The following SLC8A1 variants were observed in gnomAD, a reference collection of about 807,000 sequenced individuals.
The protein encoded by SLC8A1 is solute carrier family 8 member A1.
SLC8A1 carries 18 observed loss-of-function variants against 68.3 expected under a neutral mutation model. The ratio of observed to expected loss-of-function variants is 0.26; its 90% CI spans 0.18 to 0.39. SLC8A1 has a LOEUF of 0.39. Among genes scored for constraint, SLC8A1 ranks in the 10% least tolerant of loss-of-function variants. The pLI is 1.00. For synonymous variants in SLC8A1, 475 were observed against 415.5 expected (o/e 1.14, Z -1.74); for missense variants, 985 against 1,156.7 (o/e 0.85, Z 2.15).
intron 2 of SLC8A1, among the ~76,000 whole-genome samples, chr2:40,243,772 A>G (rs1358115097): frequency 6.6e-6 from 1 of 152,214 alleles, no homozygotes; most frequent in African/African-American, 2.4e-5. Context: ...ACTCTGCTGC[A>G]CATTTATAGT....
At chr2:40,352,458 G>T (rs1366733219) in intron 2 of SLC8A1, among the ~76,000 whole-genome samples, 2 of 152,110 alleles carry the variant, frequency 1.3e-5, no homozygotes, top group Non-Finnish European at 2.9e-5. Flanking sequence ...GGCTTGTTGA[G>T]TTCTCTTTCT....
intron 2 of SLC8A1, among the ~76,000 whole-genome samples, chr2:40,274,685 T>C (rs1416978340): frequency 6.6e-6 from 1 of 152,228 alleles, no homozygotes; most frequent in Non-Finnish European, 1.5e-5. Flanking sequence ...TAACTGCTGA[T>C]AGTAAATCAA....
At position 40,413,056 on chromosome 2, in the gene SLC8A1, C is replaced by T. The variant is rs146869800; in HGVS notation, c.1808+15417G>A. On this transcript the variant is annotated intron_variant, in intron 2 of 7. Transcript: ENST00000406785. ...ACCTAATGCTACCCCTCCTCCCTCT[C>T]ACCTCACACCAGTTAGAATGGCGAT... Among the ~76,000 whole-genome samples the T allele has an allele frequency of 3.5e-3, 533 of 152,288 alleles. 4 individuals carry two copies. The highest frequency in any genetic ancestry group is 0.031 in the Middle Eastern group (9 of 294).
chr2:40,202,920 C>G (rs1019083236), intron 2 of SLC8A1, among the ~76,000 whole-genome samples: 7 of 151,936 alleles, frequency 4.6e-5, no homozygotes, highest in Non-Finnish European at 1.0e-4. Context: ...TAGAATGGCA[C>G]CTACATAACC....
At position 40,194,257 on chromosome 2, in the gene SLC8A1, T is replaced by C. The variant is rs1055820987; in HGVS notation, c.1809-16402A>G. On this transcript the variant is annotated intron_variant, in intron 2 of 7. Transcript: ENST00000406785. Reference sequence around the variant, plus strand: ...ATATATGTTAAGTTTTTAAAGGAAATTATCAAAAACTAAGGTCTCAGGTTA... The same window carrying C: ...ATATATGTTAAGTTTTTAAAGGAAACTATCAAAAACTAAGGTCTCAGGTTA... Among the ~76,000 whole-genome samples, 7 of 152,108 alleles carry C rather than the reference T, an allele frequency of 4.6e-5. No homozygotes were observed. In the South Asian group the frequency reaches 1.4e-3, roughly 32 times the overall value.
chr2:40,232,754 C>A (rs1558869910), intron 2 of SLC8A1, among the ~76,000 whole-genome samples: 1 of 77,624 alleles, frequency 1.3e-5, no homozygotes. Context: ...TCCCCCCCCG[C>A]CACCCCACAA....
chr2:40,224,325 G>T (rs2058708565), intron 2 of SLC8A1, among the ~76,000 whole-genome samples: 1 of 152,108 alleles, frequency 6.6e-6, no homozygotes, highest in Non-Finnish European at 1.5e-5. Context: ...AGTGTACTTT[G>T]TCTCTCATAA....
At chr2:40,474,190 A>G (rs1220566719) in intron 1 of SLC8A1, among the ~76,000 whole-genome samples, 2 of 152,184 alleles carry the variant, frequency 1.3e-5, no homozygotes, top group Admixed American at 6.5e-5. Context: ...GATTTTAAAT[A>G]TATGGCATCC....
chr2:40,447,991 C>A (rs374483988), intron 1 of SLC8A1, among the ~76,000 whole-genome samples: 8 of 152,152 alleles, frequency 5.3e-5, no homozygotes, highest in South Asian at 2.1e-4. Flanking sequence ...CTTGGCTGGG[C>A]AGATCAAAGG....
At chr2:40,207,132 T>C (rs1036075472) in intron 2 of SLC8A1, among the ~76,000 whole-genome samples, 7 of 152,098 alleles carry the variant, frequency 4.6e-5, no homozygotes, top group Non-Finnish European at 1.0e-4. Flanking sequence ...TGGTTACTTA[T>C]GGGCATTTTT....
intron 2 of SLC8A1, among the ~76,000 whole-genome samples, chr2:40,261,955 G>C (rs1053460902): frequency 6.7e-6 from 1 of 148,990 alleles, no homozygotes; most frequent in Non-Finnish European, 1.5e-5. Context: ...GACATGAAAT[G>C]TGTCTTTTCA....
chr2:40,110,381 C>A (rs1441898596), exon 8 of SLC8A1: 1 of 152,082 alleles, frequency 6.6e-6, no homozygotes, highest in African/African-American at 2.4e-5. Context: ...GTGGTGAGTA[C>A]ATAATGGTAA....
chr2:40,210,516 G>A (rs1309812680), intron 2 of SLC8A1, among the ~76,000 whole-genome samples: 1 of 152,210 alleles, frequency 6.6e-6, no homozygotes, highest in African/African-American at 2.4e-5. Flanking sequence ...GGATAATTAA[G>A]AAAGTGTTAG....
chr2:40,188,073 G>T (rs2051025021), intron 2 of SLC8A1, among the ~76,000 whole-genome samples: 1 of 152,140 alleles, frequency 6.6e-6, no homozygotes, highest in Admixed American at 6.5e-5. Context: ...AGGGTACCAT[G>T]TTGAAATATG....
intron 2 of SLC8A1, among the ~76,000 whole-genome samples, chr2:40,361,875 A>ATCTTT (rs1674722819): frequency 2.2e-5 from 2 of 89,388 alleles, no homozygotes; most frequent in South Asian, 7.2e-4. Flanking sequence ...AGATGTTTAT[A>ATCTTT]TCTTTTCTTT....
intron 2 of SLC8A1, among the ~76,000 whole-genome samples, chr2:40,264,176 C>G (rs1365304315): frequency 6.6e-6 from 1 of 150,586 alleles, no homozygotes; most frequent in African/African-American, 2.4e-5. Flanking sequence ...GTTAGAATGG[C>G]AATCATTAAA....
intron 2 of SLC8A1, among the ~76,000 whole-genome samples, chr2:40,364,748 C>T (rs1358830338): frequency 1.3e-5 from 2 of 151,994 alleles, no homozygotes; most frequent in Non-Finnish European, 2.9e-5. Context: ...AGAAGCCTGC[C>T]CTCCTGGAAA....
At chr2:40,113,942 T>G (rs1352891845) in exon 8 of SLC8A1, 1 of 152,780 alleles carries the variant, frequency 6.5e-6, no homozygotes. Context: ...CAGTTATTGC[T>G]TCTTAGAAAT....
intron 2 of SLC8A1, among the ~76,000 whole-genome samples, chr2:40,296,092 T>C (rs1471445737): frequency 2.6e-5 from 4 of 152,146 alleles, no homozygotes; most frequent in Non-Finnish European, 5.9e-5. Context: ...TTTACTCAGT[T>C]TTGCAAGGAA....
Sources: gnomAD v4.1 joint callset for allele counts (sites outside exome capture counted in the v4.1 genomes callset) on GRCh38, gnomAD v4.1.1 for gene constraint, MANE v1.5 for transcripts, NCBI Gene and HGNC (gene_info 2026-07-23, HGNC 2026-07-21) for gene names.